Variants in WDR64 observed in about 807,000 individuals in gnomAD.
WDR64 encodes WD repeat domain 64, also known as WD repeat-containing protein 64.
A neutral mutation model predicts 139.3 loss-of-function variants in WDR64; 112 were observed. The ratio of observed to expected loss-of-function variants is 0.80; its 90% confidence interval spans 0.69 to 0.94. WDR64 has a LOEUF of 0.94. Among genes scored for constraint, WDR64 ranks in the 40% least tolerant of loss-of-function variants. WDR64 has a pLI of 0.00. For missense variants in WDR64, 1,206 were observed against 1,293.1 expected (o/e 0.93, Z 1.03); for synonymous variants, 444 against 437.7 (o/e 1.01, Z -0.18).
intron 15 of WDR64, among the ~76,000 whole-genome samples, chr1:241,764,051 T>C (rs1324216090): frequency 1.3e-5 from 2 of 152,058 alleles, no homozygotes; most frequent in African/African-American, 4.8e-5. Flanking sequence ...AACGAAATAA[T>C]GGAGGTAAAA....
intron 4 of WDR64, chr1:241,676,118 A>C (rs1666545341): frequency 1.3e-5 from 2 of 152,212 alleles, no homozygotes; most frequent in Admixed American, 1.3e-4. Context: ...ATCTTTCAGA[A>C]GTTGAAGTCA....
At chr1:241,667,430 A>G (rs1666063230) in intron 2 of WDR64, among the ~76,000 whole-genome samples, 1 of 152,158 alleles carries the variant, frequency 6.6e-6, no homozygotes, top group African/African-American at 2.4e-5. Context: ...ATGAACATAG[A>G]CACTGCTGGG....
intron 8 of WDR64, among the ~76,000 whole-genome samples, chr1:241,709,998 C>T (rs772806006): frequency 4.0e-5 from 6 of 150,818 alleles, no homozygotes; most frequent in South Asian, 4.2e-4. Flanking sequence ...CTTCAAAATA[C>T]GTTATTAAGT....
intron 9 of WDR64, 44 bp downstream of exon 9, chr1:241,711,925 A>G (rs1266122486): frequency 6.3e-7 from 1 of 1,585,864 alleles, no homozygotes. Flanking sequence ...CTACTTTGCA[A>G]ACATCGTTCT....
intron 11 of WDR64, among the ~76,000 whole-genome samples, chr1:241,739,987 A>G (rs1333556156): frequency 2.0e-5 from 3 of 152,194 alleles, no homozygotes; most frequent in African/African-American, 7.2e-5. Context: ...TATCATTATT[A>G]CTTTTATTAA....
intron 17 of WDR64, 140 bp downstream of exon 17, chr1:241,769,645 C>G: frequency 4.0e-6 from 3 of 752,350 alleles, no homozygotes; most frequent in Non-Finnish European, 6.4e-6. Context: ...AAAGAAGGGA[C>G]CACTGAAAAA....
chr1:241,700,755 C>T (rs770352634), intron 8 of WDR64, among the ~76,000 whole-genome samples: 14 of 152,282 alleles, frequency 9.2e-5, no homozygotes, highest in Non-Finnish European at 1.9e-4. Context: ...TCTTATCTCA[C>T]AGGATTTTTG....
chr1:241,727,361 A>T (rs1042845640), intron 10 of WDR64, among the ~76,000 whole-genome samples: 1 of 152,188 alleles, frequency 6.6e-6, no homozygotes, highest in Non-Finnish European at 1.5e-5. Flanking sequence ...GAAGAGACAG[A>T]AGAGAGAATC....
chr1:241,788,373 A>G (rs780758094), intron 24 of WDR64, among the ~76,000 whole-genome samples: 12 of 152,210 alleles, frequency 7.9e-5, no homozygotes, highest in Admixed American at 4.6e-4. Context: ...TTCCACTTTT[A>G]CAATCTTCAA....
chr1:241,751,198 G>C (rs983804240), intron 14 of WDR64, among the ~76,000 whole-genome samples: 1 of 152,106 alleles, frequency 6.6e-6, no homozygotes, highest in Non-Finnish European at 1.5e-5. Flanking sequence ...CAAGTGTTGT[G>C]AGTGCTTTCA....
intron 11 of WDR64, among the ~76,000 whole-genome samples, chr1:241,741,067 C>T (rs1433257394): frequency 1.3e-5 from 2 of 152,172 alleles, no homozygotes; most frequent in Admixed American, 6.5e-5. Context: ...AGTGCTTTAT[C>T]AATTTATTGG....
intron 25 of WDR64, among the ~76,000 whole-genome samples, chr1:241,793,752 G>T (rs1455780120): frequency 1.3e-5 from 2 of 152,102 alleles, no homozygotes; most frequent in African/African-American, 4.8e-5. Flanking sequence ...AAGGGTTTTT[G>T]TGAGAATTAA....
intron 2 of WDR64, among the ~76,000 whole-genome samples, chr1:241,666,363 T>A (rs953072433): frequency 6.6e-5 from 10 of 152,132 alleles, no homozygotes; most frequent in African/African-American, 2.4e-4. Context: ...TCTGAAGGAG[T>A]TTATCTGGTA....
chr1:241,686,309 T>C (rs56299106), intron 7 of WDR64, among the ~76,000 whole-genome samples: 13,152 of 152,226 alleles, frequency 0.086, 1,882 homozygotes, highest in African/African-American at 0.29. Flanking sequence ...ATGGGGGTAG[T>C]AAACACTGAT....
chr1:241,705,345 T>A (rs1458712207), intron 8 of WDR64, among the ~76,000 whole-genome samples: 1 of 151,536 alleles, frequency 6.6e-6, no homozygotes, highest in Non-Finnish European at 1.5e-5. Context: ...ATCGAGACCA[T>A]CCCGGCTAAC....
chr1:241,663,930 T>C (rs1374137011), intron 2 of WDR64, among the ~76,000 whole-genome samples: 1 of 147,852 alleles, frequency 6.8e-6, no homozygotes, highest in Non-Finnish European at 1.5e-5. Context: ...TTTTGTTGCT[T>C]TTTGTTTTTG....
At chr1:241,668,173 C>A (rs976764105) in intron 2 of WDR64, among the ~76,000 whole-genome samples, 3 of 152,126 alleles carry the variant, frequency 2.0e-5, no homozygotes, top group African/African-American at 7.2e-5. Context: ...AAGGAAAAGT[C>A]AGTAGAAAGA....
At chr1:241,742,963 G>A (rs965927383) in intron 12 of WDR64, among the ~76,000 whole-genome samples, 6 of 152,198 alleles carry the variant, frequency 3.9e-5, no homozygotes, top group Admixed American at 6.5e-5. Context: ...TCCAAAAGGA[G>A]ACGTGTGGAC....
rs1379403754 is a variant in WDR64, at chr1:241,754,315, TTTTTC to T, written c.1771-2963_1771-2959del. On this transcript the variant is annotated intron_variant, in intron 14 of 27. Coordinates refer to ENST00000437684, the MANE Select transcript of WDR64 (RefSeq NM_001367482.1). ...TGCAGGGTTTTTTTTCCTTTTTTTCTTTTTCTTTTTTTTTTTTTTTTTTGAGATGG... is the reference window on the plus strand; with the variant it reads ...TGCAGGGTTTTTTTTCCTTTTTTTCTTTTTTTTTTTTTTTTTTTGAGATGG... 2.0e-4 allele frequency among the ~76,000 whole-genome samples: 22 copies of T among 111,752 alleles called. No individual in the cohort carries two copies. In the East Asian group the frequency reaches 6.3e-3, roughly 32 times the overall value. The allele number at this position is 111,752 out of a possible 152,430, so 73.3% of individuals were successfully genotyped here.
Sources: gnomAD v4.1 joint callset for allele counts (sites outside exome capture counted in the v4.1 genomes callset) on GRCh38, gnomAD v4.1.1 for gene constraint, MANE v1.5 for transcripts, NCBI Gene and HGNC (gene_info 2026-07-23, HGNC 2026-07-21) for gene names.